Variants in BTD observed in about 807,000 individuals in gnomAD.
BTD encodes biocytinase.
Under a neutral mutation model 17.7 loss-of-function variants are expected in BTD, and 13 were observed. The ratio of observed to expected loss-of-function variants is 0.74; its 90% confidence interval spans 0.48 to 1.17. The LOEUF (loss-of-function observed/expected upper bound fraction) is 1.17. Ranked by LOEUF, BTD falls within the 50% of genes most tolerant of loss-of-function variation. The pLI is 0.00. For missense variants in BTD, 674 were observed against 650.4 expected (o/e 1.04, Z -0.39); for synonymous variants, 240 against 245.2 (o/e 0.98, Z 0.20).
chr3:15,653,560 T>A lies in BTD; in HGVS notation c.*8072T>A, dbSNP rs1417478266. On this transcript the variant is annotated 3_prime_UTR_variant, in exon 4 of 4. Transcript: ENST00000643237. The stretch of plus-strand genomic sequence containing the variant: ...GGGTGACTTGTTCATCATCCAAATA[T>A]ATTATTTTTGTTTTGTTTGACTAAA... Among the ~76,000 whole-genome samples the A allele has an allele frequency of 6.6e-6, 1 of 152,264 alleles. No individual in the cohort carries two copies. The highest frequency in any genetic ancestry group is 2.1e-4 in the South Asian group (1 of 4,836).
At chr3:15,701,724 G>A (rs1020131168) in intron 3 of BTD, among the ~76,000 whole-genome samples, 2 of 152,076 alleles carry the variant, frequency 1.3e-5, no homozygotes, top group East Asian at 1.9e-4. Flanking sequence ...TAAAACCCAC[G>A]TCTGGCTCTA....
chr3:15,696,210 G>A, intron 3 of BTD: 1 of 1,590,790 alleles, frequency 6.3e-7, no homozygotes, highest in Admixed American at 1.8e-5. Context: ...ACGGATCCCT[G>A]GATTTGCATC....
At chr3:15,712,580 G>A (rs1314979505) in exon 4 of BTD, among the ~76,000 whole-genome samples, 8 of 152,140 alleles carry the variant, frequency 5.3e-5, no homozygotes, top group Non-Finnish European at 8.8e-5. Flanking sequence ...AACCAAAAAT[G>A]TATCTGGACA....
Position 15,645,672 on chromosome 3 carries a change from T to C in BTD, c.*184T>C, listed in dbSNP as rs1400621307. On this transcript the variant is annotated 3_prime_UTR_variant, in exon 4 of 4. Transcript: ENST00000643237. Reference sequence around the variant, plus strand: ...GGCAGATTCCCTCAGTGTCTTCCTCTTAAACCTCAATCATCGAGACATTAG... The same window carrying C: ...GGCAGATTCCCTCAGTGTCTTCCTCCTAAACCTCAATCATCGAGACATTAG... 1.3e-5 allele frequency: 8 copies of C among 629,694 alleles called. No individual in the cohort carries two copies. The highest frequency in any genetic ancestry group is 1.4e-5 in the Non-Finnish European group (5 of 365,822). 39.0% of individuals were successfully genotyped at this position (629,694 alleles called of 1,614,324 possible). A position where few individuals can be genotyped will look rare whatever the true frequency, so the allele number is the denominator to read the frequency against.
chr3:15,717,350 C>T (rs776550969), downstream of BTD, among the ~76,000 whole-genome samples: 2 of 151,902 alleles, frequency 1.3e-5, no homozygotes, highest in Non-Finnish European at 2.9e-5. Flanking sequence ...GATAATAAAA[C>T]CTATTCTAAG....
chr3:15,655,209 A>T (rs1007880028), downstream of BTD, among the ~76,000 whole-genome samples: 3 of 152,220 alleles, frequency 2.0e-5, no homozygotes, highest in African/African-American at 7.2e-5. Flanking sequence ...CCTCTGAATT[A>T]TAATGTGCAT....
intron 3 of BTD, among the ~76,000 whole-genome samples, chr3:15,664,369 C>T (rs530524162): frequency 5.9e-5 from 9 of 152,306 alleles, no homozygotes; most frequent in African/African-American, 2.2e-4. Context: ...TGTTTTGTTC[C>T]TTCTGGTGGC....
chr3:15,714,449 T>C, downstream of BTD: 2 of 677,274 alleles, frequency 3.0e-6, no homozygotes, highest in South Asian at 4.1e-5. Flanking sequence ...TCATGAGCTC[T>C]GAAATCATGT....
At chr3:15,632,092 C>T (rs1465578876) in intron 1 of BTD, among the ~76,000 whole-genome samples, 1 of 152,190 alleles carries the variant, frequency 6.6e-6, no homozygotes, top group Non-Finnish European at 1.5e-5. Context: ...CGTGCTCTCA[C>T]CTCGCAGACC....
At chr3:15,632,544 A>G (rs2065238651) in intron 1 of BTD, 1 of 152,278 alleles carries the variant, frequency 6.6e-6, no homozygotes, top group Non-Finnish European at 1.5e-5. Context: ...AAGCAAGTAC[A>G]TTGCCACCTT....
chr3:15,696,299 A>G (rs1048555500), intron 3 of BTD: 2 of 1,166,858 alleles, frequency 1.7e-6, no homozygotes, highest in African/African-American at 3.0e-5. Flanking sequence ...ATATTAACCA[A>G]TGATAAAAAG....
chr3:15,604,296 A>T (rs776552161), intron 1 of BTD, among the ~76,000 whole-genome samples: 3 of 152,240 alleles, frequency 2.0e-5, no homozygotes, highest in Non-Finnish European at 4.4e-5. Flanking sequence ...GCTCAACACC[A>T]TGTGGAAGCT....
intron 3 of BTD, among the ~76,000 whole-genome samples, chr3:15,688,488 C>CATTGTTAAAA: frequency 6.6e-6 from 1 of 152,140 alleles, no homozygotes; most frequent in Non-Finnish European, 1.5e-5. Context: ...TGCATTTTAA[C>CATTGTTAAAA]CTCTTGTTCA....
intron 1 of BTD, among the ~76,000 whole-genome samples, chr3:15,620,663 T>G (rs1411046565): frequency 6.6e-6 from 1 of 152,222 alleles, no homozygotes; most frequent in Non-Finnish European, 1.5e-5. Context: ...ATTAAGAGAT[T>G]AAAGACAGGC....
chr3:15,608,756 C>T (rs1252986373), intron 1 of BTD, among the ~76,000 whole-genome samples: 19 of 148,976 alleles, frequency 1.3e-4, no homozygotes, highest in Non-Finnish European at 2.5e-4. Context: ...CAGAGCGAGA[C>T]TCCGTCTCAA....
At chr3:15,685,202 T>C (rs762858808) in intron 3 of BTD, 7 of 1,604,316 alleles carry the variant, frequency 4.4e-6, no homozygotes, top group African/African-American at 1.3e-5. Flanking sequence ...CACAATGATA[T>C]GCATTTGTGT....
rs1205187545 is a variant in BTD, at chr3:15,645,986, G to A, written c.*498G>A. 6.5e-6 allele frequency: 1 copy of A among 153,422 alleles called. No individual in the cohort carries two copies. The highest frequency in any genetic ancestry group is 1.4e-5 in the Non-Finnish European group (1 of 69,102). The allele number at this position is 153,422 out of a possible 1,614,324, so 9.5% of individuals were successfully genotyped here. A position where few individuals can be genotyped will look rare whatever the true frequency, so the allele number is the denominator to read the frequency against. ...CCTTGTGGGGAACCTTCCCATTCTG[G>A]TCGACCAGAACTCTAGCCAGATGAA... On this transcript the variant is annotated 3_prime_UTR_variant, in exon 4 of 4. Transcript: ENST00000643237.
At chr3:15,611,319 A>G (rs1374709076) in intron 1 of BTD, among the ~76,000 whole-genome samples, 1 of 152,202 alleles carries the variant, frequency 6.6e-6, no homozygotes, top group Admixed American at 6.5e-5. Context: ...GAACCACAAG[A>G]TGACTCTGAA....
chr3:15,606,034 C>A (rs989027948), intron 1 of BTD, among the ~76,000 whole-genome samples: 8 of 134,082 alleles, frequency 6.0e-5, no homozygotes, highest in Non-Finnish European at 9.3e-5. Context: ...CAGAGCGAGA[C>A]CCTGTCTCAA....
Sources: gnomAD v4.1 joint callset for allele counts (sites outside exome capture counted in the v4.1 genomes callset) on GRCh38, gnomAD v4.1.1 for gene constraint, MANE v1.5 for transcripts, NCBI Gene and HGNC (gene_info 2026-07-23, HGNC 2026-07-21) for gene names.